AOAH: variants seen among roughly 807,000 people sequenced by gnomAD.
The protein encoded by AOAH is acyloxyacyl hydrolase.
AOAH carries 64 observed loss-of-function variants against 92.2 expected under a neutral mutation model. The ratio of observed to expected loss-of-function variants is 0.69; its 90% CI spans 0.57 to 0.86. The LOEUF is 0.86. Ranked by LOEUF, AOAH falls within the 40% of genes least tolerant of loss-of-function variation. The pLI, the probability that AOAH is intolerant of heterozygous loss-of-function variation, is 0.00. For missense variants in AOAH, 656 were observed against 694.6 expected (o/e 0.94, Z 0.62); for synonymous variants, 263 against 254.5 (o/e 1.03, Z -0.32).
Position 36,639,586 on chromosome 7 carries a change from A to G in AOAH, c.391-1676T>C, listed in dbSNP as rs1290304661. Among the ~76,000 whole-genome samples, 8 of 152,388 alleles carry G rather than the reference A, an allele frequency of 5.2e-5. No individual in the cohort carries two copies. In the East Asian group the frequency reaches 1.5e-3, roughly 29 times the overall value. On this transcript the variant is annotated intron_variant, in intron 4 of 20. Transcript: ENST00000617537. ...ACATAGGAAAAAACCTTGCAAAGGA[A>G]TATGTTATAATAATGATGGGTGATA...
chr7:36,556,347 G>A (rs1786709411), intron 13 of AOAH, among the ~76,000 whole-genome samples: 1 of 152,192 alleles, frequency 6.6e-6, no homozygotes, highest in Non-Finnish European at 1.5e-5. Context: ...TGGTCTGAGA[G>A]ACAGTTTGTT....
intron 12 of AOAH, among the ~76,000 whole-genome samples, chr7:36,578,741 T>G (rs1463746827): frequency 6.6e-6 from 1 of 152,248 alleles, no homozygotes; most frequent in Non-Finnish European, 1.5e-5. Flanking sequence ...TTCTAACTTT[T>G]TTATTTCTGT....
In AOAH at chr7:36,576,619, T is replaced by C; in HGVS notation, c.976A>G (p.Arg326Gly). 6.3e-7 allele frequency: 1 copy of C among 1,583,556 alleles called. No individual in the cohort carries two copies. The highest frequency in any genetic ancestry group is 8.6e-7 in the Non-Finnish European group (1 of 1,159,990). Residue 326 changes from arginine (R) to glycine (G), a missense_variant, in exon 13 of 21, where the codon AGA (arginine) becomes GGA (glycine). Physicochemically the swap from Arg to Gly is moderately radical, Grantham distance 125. Coordinates refer to ENST00000617537, the MANE Select transcript of AOAH (RefSeq NM_001637.4). ...EKSIYLRLWKRNHCNHRDYQN... is the reference protein window; with the variant it reads ...EKSIYLRLWKGNHCNHRDYQN... The stretch of plus-strand genomic sequence containing the variant: ...TAGTCCCTGTGATTACAGTGGTTTC[T>C]TTTCCATAAGCGAAGGTAAATAGAT...
At chr7:36,552,276 T>TA (rs1786322187) in intron 13 of AOAH, among the ~76,000 whole-genome samples, 1 of 152,148 alleles carries the variant, frequency 6.6e-6, no homozygotes, top group Non-Finnish European at 1.5e-5. Flanking sequence ...GTTCCTGTGT[T>TA]AGTTTGCTGA....
At chr7:36,565,124 C>G (rs1370017896) in intron 13 of AOAH, among the ~76,000 whole-genome samples, 1 of 152,168 alleles carries the variant, frequency 6.6e-6, no homozygotes, top group Non-Finnish European at 1.5e-5. Context: ...TTTTGATGCT[C>G]TAGGCATTGA....
chr7:36,633,596 C>T (rs561063378), intron 5 of AOAH, among the ~76,000 whole-genome samples: 4 of 152,154 alleles, frequency 2.6e-5, no homozygotes, highest in Admixed American at 6.5e-5. Flanking sequence ...GAGGGAGAAT[C>T]GGAATGGCAG....
intron 9 of AOAH, among the ~76,000 whole-genome samples, chr7:36,619,437 C>A (rs1041621449): frequency 2.0e-5 from 3 of 152,064 alleles, no homozygotes; most frequent in African/African-American, 7.2e-5. Context: ...GGTGACACAC[C>A]ATATCTGAGG....
chr7:36,586,262 A>C (rs1456061453), intron 12 of AOAH, among the ~76,000 whole-genome samples: 1 of 152,114 alleles, frequency 6.6e-6, no homozygotes, highest in Non-Finnish European at 1.5e-5. Flanking sequence ...TAAAAGTTGT[A>C]CATGCTCACC....
intron 1 of AOAH, among the ~76,000 whole-genome samples, chr7:36,687,451 T>A (rs548097700): frequency 2.6e-5 from 4 of 152,238 alleles, no homozygotes; most frequent in Non-Finnish European, 2.9e-5. Context: ...ATGTGGTAAG[T>A]GTGAATGCCT....
chr7:36,632,042 AT>A lies in AOAH; in HGVS notation c.514del (p.Ile172LeufsTer3). 1 of 1,611,794 alleles carries A rather than the reference AT, an allele frequency of 6.2e-7. No individual in the cohort carries two copies. The highest frequency in any genetic ancestry group is 8.5e-7 in the Non-Finnish European group (1 of 1,178,662). On this transcript the variant is annotated frameshift_variant, in exon 6 of 21. Coordinates refer to ENST00000617537, the MANE Select transcript of AOAH (RefSeq NM_001637.4). LOFTEE classifies it high-confidence loss of function. ...GTAGAAATTGTATACATACAATTTAATTTTCTGGCAGATCTTGGCCAAAACC... is the reference window on the plus strand; with the variant it reads ...GTAGAAATTGTATACATACAATTTAATTTCTGGCAGATCTTGGCCAAAACC... ...LPVLAKICQK[I>X]KLAMEQSVPF...
At chr7:36,705,148 A>G (rs538750987) in intron 1 of AOAH, among the ~76,000 whole-genome samples, 54 of 152,316 alleles carry the variant, frequency 3.5e-4, no homozygotes, top group African/African-American at 1.3e-3. Flanking sequence ...GGCCAATGCA[A>G]TCAGGCAAGA....
intron 13 of AOAH, among the ~76,000 whole-genome samples, chr7:36,562,916 A>G (rs1001395758): frequency 2.6e-5 from 4 of 152,050 alleles, no homozygotes; most frequent in African/African-American, 9.7e-5. Flanking sequence ...TGGGAGGCCA[A>G]GGCAGGCAGA....
At chr7:36,615,868 T>G (rs1316909390) in intron 11 of AOAH, among the ~76,000 whole-genome samples, 1 of 151,484 alleles carries the variant, frequency 6.6e-6, no homozygotes, top group African/African-American at 2.4e-5. Context: ...CAATTTTGCC[T>G]TGTGGCCCTC....
At chr7:36,635,088 C>T (rs1056360162) in intron 5 of AOAH, among the ~76,000 whole-genome samples, 63 of 152,300 alleles carry the variant, frequency 4.1e-4, no homozygotes, top group African/African-American at 1.4e-3. Flanking sequence ...CCCCGAGCAA[C>T]ATTGTATGAG....
chr7:36,714,630 T>C (rs539723648), intron 1 of AOAH, among the ~76,000 whole-genome samples: 3 of 152,316 alleles, frequency 2.0e-5, no homozygotes, highest in South Asian at 4.1e-4. Context: ...TTATCCACCA[T>C]GATCAAGTGG....
intron 4 of AOAH, among the ~76,000 whole-genome samples, chr7:36,652,880 C>G (rs1326007373): frequency 6.6e-6 from 1 of 152,152 alleles, no homozygotes; most frequent in African/African-American, 2.4e-5. Context: ...AATGCGTGTC[C>G]TCGACTAGAT....
At chr7:36,601,047 C>T (rs569746715) in intron 11 of AOAH, among the ~76,000 whole-genome samples, 1 of 152,128 alleles carries the variant, frequency 6.6e-6, no homozygotes, top group African/African-American at 2.4e-5. Flanking sequence ...GGGGAAAGGC[C>T]CCCGGGAGAT....
chr7:36,592,637 T>G (rs28537721), intron 12 of AOAH, among the ~76,000 whole-genome samples: 11,272 of 152,256 alleles, frequency 0.074, 1,025 homozygotes, highest in African/African-American at 0.21. Context: ...CCTACCACTC[T>G]TGGCTGGGCA....
At position 36,582,546 on chromosome 7, in the gene AOAH, C is replaced by CA. The variant is rs1347978229; in HGVS notation, c.939-5891dup. 3.9e-5 allele frequency among the ~76,000 whole-genome samples: 6 copies of CA among 152,096 alleles called. No individual in the cohort carries two copies. The East Asian group carries it at 9.6e-4, about 24-fold the overall frequency. Reference sequence around the variant, plus strand: ...CTTCCCAACATTGGCTCAGGGAACACAAAAAAATCACTTTTTCTGAGAGCT... The same window carrying CA: ...CTTCCCAACATTGGCTCAGGGAACACAAAAAAAATCACTTTTTCTGAGAGCT... On this transcript the variant is annotated intron_variant, in intron 12 of 20. Coordinates refer to ENST00000617537, the MANE Select transcript of AOAH (RefSeq NM_001637.4).
Sources: gnomAD v4.1 joint callset for allele counts (sites outside exome capture counted in the v4.1 genomes callset) on GRCh38, gnomAD v4.1.1 for gene constraint, MANE v1.5 for transcripts, NCBI Gene and HGNC (gene_info 2026-07-23, HGNC 2026-07-21) for gene names.